The following PIGL variants were observed in gnomAD, a reference collection of about 807,000 sequenced individuals.
PIGL encodes the protein phosphatidylinositol glycan anchor biosynthesis class L, also known as N-acetylglucosaminyl-phosphatidylinositol de-N-acetylase.
In PIGL, 22 loss-of-function variants were observed where a neutral mutation model predicts 31.1. That is an observed-to-expected ratio of 0.71 (90% CI 0.51 to 1.01). The LOEUF (loss-of-function observed/expected upper bound fraction) is 1.01, where lower values mean the gene tolerates loss of function less well. PIGL is among the 50% of genes least tolerant of loss of function. The pLI is 0.00. For missense variants in PIGL, 302 were observed against 315.9 expected, an observed-to-expected ratio of 0.96 and a Z score of 0.33; for synonymous variants, 131 against 117.4, an observed-to-expected ratio of 1.12 and a Z score of -0.75.
chr17:16,228,443 G>T (rs2092662993), intron 1 of PIGL, among the ~76,000 whole-genome samples: 3 of 151,808 alleles, frequency 2.0e-5, no homozygotes, highest in Non-Finnish European at 4.4e-5. Flanking sequence ...GGAGTGCAGT[G>T]GCGCGATGTA....
chr17:16,229,680 G>C (rs2092669919), intron 1 of PIGL, among the ~76,000 whole-genome samples: 1 of 151,900 alleles, frequency 6.6e-6, no homozygotes, highest in African/African-American at 2.4e-5. Flanking sequence ...AGCCATCCTA[G>C]TAAGTGTGCA....
chr17:16,299,274 G>A (rs2142834014), intron 2 of PIGL, among the ~76,000 whole-genome samples: 1 of 151,798 alleles, frequency 6.6e-6, no homozygotes, highest in Middle Eastern at 3.4e-3. Flanking sequence ...GGCCAACATG[G>A]CGAAACCCCA....
At chr17:16,286,007 C>G (rs2092935816) in intron 2 of PIGL, among the ~76,000 whole-genome samples, 1 of 152,214 alleles carries the variant, frequency 6.6e-6, no homozygotes, top group Admixed American at 6.5e-5. Flanking sequence ...ATTGGCAGTC[C>G]CAGGTTAGGC....
chr17:16,244,734 G>T (rs1246657943), intron 2 of PIGL, among the ~76,000 whole-genome samples: 31 of 152,134 alleles, frequency 2.0e-4, no homozygotes. Flanking sequence ...GAGTGCAGTG[G>T]CAGGATCATG....
intron 3 of PIGL, among the ~76,000 whole-genome samples, chr17:16,304,841 G>A (rs1176746983): frequency 6.6e-6 from 1 of 152,194 alleles, no homozygotes; most frequent in Non-Finnish European, 1.5e-5. Flanking sequence ...TGCTCCCATA[G>A]AGCAGGATGT....
intron 6 of PIGL, among the ~76,000 whole-genome samples, chr17:16,318,504 C>T (rs761472095): frequency 7.9e-5 from 12 of 151,906 alleles, no homozygotes; most frequent in Admixed American, 3.3e-4. Context: ...CTCCTGACCT[C>T]GGGTGATCCA....
intron 4 of PIGL, among the ~76,000 whole-genome samples, chr17:16,314,326 CCTT>C (rs1311387677): frequency 1.3e-5 from 2 of 152,124 alleles, no homozygotes; most frequent in Admixed American, 1.3e-4. Context: ...TATTTAATAA[CCTT>C]CTTCTAAACA....
intron 1 of PIGL, among the ~76,000 whole-genome samples, chr17:16,228,794 T>C (rs1269030761): frequency 6.6e-6 from 1 of 152,212 alleles, no homozygotes; most frequent in African/African-American, 2.4e-5. Flanking sequence ...CTATACCTGT[T>C]TAGCATTCCT....
chr17:16,264,398 G>A (rs1443260504), intron 2 of PIGL, among the ~76,000 whole-genome samples: 2 of 149,498 alleles, frequency 1.3e-5, no homozygotes, highest in Non-Finnish European at 3.0e-5. Context: ...CACCCACCTC[G>A]GCCTCCCAAA....
chr17:16,283,823 A>AATCAGAATCCATCG (rs940740534), intron 2 of PIGL, among the ~76,000 whole-genome samples: 2 of 152,220 alleles, frequency 1.3e-5, no homozygotes, highest in African/African-American at 4.8e-5. Flanking sequence ...ACTTAACTTC[A>AATCAGAATCCATCG]ATCAGAATCC....
intron 2 of PIGL, among the ~76,000 whole-genome samples, chr17:16,271,489 A>C (rs947988654): frequency 5.3e-5 from 8 of 152,196 alleles, no homozygotes; most frequent in African/African-American, 1.9e-4. Flanking sequence ...TTTCAGATAA[A>C]CAATAATTTT....
chr17:16,225,325 A>T (rs1238716741), intron 1 of PIGL, among the ~76,000 whole-genome samples: 1 of 148,218 alleles, frequency 6.7e-6, no homozygotes, highest in Non-Finnish European at 1.5e-5. Context: ...CTAGTAATTC[A>T]TTCGGGGTGA....
At chr17:16,281,809 G>A (rs2092917623) in intron 2 of PIGL, among the ~76,000 whole-genome samples, 1 of 152,178 alleles carries the variant, frequency 6.6e-6, no homozygotes, top group Non-Finnish European at 1.5e-5. Context: ...ATGACAAGGA[G>A]GAAATACTGG....
At chr17:16,256,749 C>T (rs2092795464) in intron 2 of PIGL, among the ~76,000 whole-genome samples, 1 of 151,780 alleles carries the variant, frequency 6.6e-6, no homozygotes, top group East Asian at 1.9e-4. Context: ...CACTGGAGTG[C>T]AGTGGTGCAG....
At chr17:16,252,495 T>G (rs529175531) in intron 2 of PIGL, among the ~76,000 whole-genome samples, 17 of 151,880 alleles carry the variant, frequency 1.1e-4, no homozygotes, top group Admixed American at 2.6e-4. Context: ...GGAAGAGAGA[T>G]AATCACTTTC....
intron 2 of PIGL, among the ~76,000 whole-genome samples, chr17:16,293,079 G>T (rs941822989): frequency 4.6e-5 from 7 of 152,190 alleles, no homozygotes; most frequent in African/African-American, 1.4e-4. Flanking sequence ...CAGATAGTTA[G>T]TCTAAAAGGA....
At chr17:16,265,843 A>G (rs948038924) in intron 2 of PIGL, among the ~76,000 whole-genome samples, 2 of 151,942 alleles carry the variant, frequency 1.3e-5, no homozygotes, top group East Asian at 3.9e-4. Context: ...ATTTCCCCCC[A>G]TGCCCTGAAG....
At chr17:16,226,058 C>A (rs914958016) in intron 1 of PIGL, among the ~76,000 whole-genome samples, 1 of 151,576 alleles carries the variant, frequency 6.6e-6, no homozygotes, top group Non-Finnish European at 1.5e-5. Context: ...GTAGTCTCAG[C>A]TACTTGGGAG....
chr17:16,318,095 T>G (rs979320747), intron 6 of PIGL, among the ~76,000 whole-genome samples, 187 bp downstream of exon 6: 1 of 152,162 alleles, frequency 6.6e-6, no homozygotes, highest in South Asian at 2.1e-4. Flanking sequence ...ACTTTAGCCT[T>G]TTTTTTCTAA....
Sources: allele counts gnomAD v4.1 joint callset (sites outside exome capture counted in the v4.1 genomes callset), GRCh38; gene constraint gnomAD v4.1.1; transcripts MANE v1.5; gene names NCBI Gene and HGNC (gene_info 2026-07-23, HGNC 2026-07-21).